The following SGCZ variants were observed in gnomAD, a reference collection of about 807,000 sequenced individuals.
SGCZ encodes sarcoglycan zeta.
A neutral mutation model predicts 41.3 loss-of-function variants in SGCZ; 40 were observed. The observed-to-expected ratio is 0.97, with a 90% confidence interval of 0.75 to 1.26. The LOEUF is 1.26. Ranked by LOEUF, SGCZ falls within the 50% of genes most tolerant of loss-of-function variation. SGCZ has a pLI of 0.00. For missense variants in SGCZ, 552 were observed against 369.8 expected (o/e 1.49, Z -4.04); for synonymous variants, 206 against 137.5 (o/e 1.50, Z -3.49).
intron 1 of SGCZ, among the ~76,000 whole-genome samples, chr8:15,149,018 A>G (rs1039251345): frequency 1.3e-5 from 2 of 152,288 alleles, no homozygotes; most frequent in African/African-American, 4.8e-5. Flanking sequence ...ATCACAGGAC[A>G]CTACACAGAA....
intron 1 of SGCZ, among the ~76,000 whole-genome samples, chr8:15,121,919 A>T (rs1260629862): frequency 6.8e-6 from 1 of 146,998 alleles, no homozygotes; most frequent in Non-Finnish European, 1.5e-5. Context: ...AAAAAAAAAT[A>T]GATATGCAGA....
chr8:14,334,972 A>T (rs746685306), intron 2 of SGCZ, among the ~76,000 whole-genome samples: 1 of 152,140 alleles, frequency 6.6e-6, no homozygotes, highest in African/African-American at 2.4e-5. Flanking sequence ...TGCTGATCTT[A>T]AAAGTACAGA....
rs78916834 is a variant in SGCZ at position 14,960,943 on chromosome 8, A to C, written c.39+276642T>G. 7.1e-3 allele frequency among the ~76,000 whole-genome samples: 1,041 copies of C among 147,072 alleles called. 12 individuals are homozygous for C. Among genetic ancestry groups the C allele is most frequent in the African/African-American group, 0.025 (997 of 39,110 alleles). On this transcript the variant is annotated intron_variant, in intron 1 of 7. Coordinates refer to ENST00000382080, the MANE Select transcript of SGCZ (RefSeq NM_139167.4). ...CTGCAAGGAAATGGCACACACACAC[A>C]CACACACACACACACACACACTCAC...
chr8:14,376,927 T>C (rs917232028), intron 2 of SGCZ, among the ~76,000 whole-genome samples: 2 of 152,164 alleles, frequency 1.3e-5, no homozygotes, highest in African/African-American at 4.8e-5. Flanking sequence ...AAATACATAT[T>C]TAGTCTTTGT....
chr8:14,918,562 A>G (rs1411984436), intron 1 of SGCZ, among the ~76,000 whole-genome samples: 1 of 152,236 alleles, frequency 6.6e-6, no homozygotes, highest in Admixed American at 6.5e-5. Flanking sequence ...GAGTGTAAAC[A>G]AACAAATGAT....
At chr8:14,676,779 A>G (rs1466258549) in intron 1 of SGCZ, among the ~76,000 whole-genome samples, 1 of 152,190 alleles carries the variant, frequency 6.6e-6, no homozygotes, top group African/African-American at 2.4e-5. Flanking sequence ...TAGTGAAATG[A>G]AAAAGCTCTT....
At chr8:14,374,393 G>A (rs1804031220) in intron 2 of SGCZ, among the ~76,000 whole-genome samples, 1 of 152,050 alleles carries the variant, frequency 6.6e-6, no homozygotes, top group African/African-American at 2.4e-5. Flanking sequence ...AGTTTTTTAG[G>A]AACAAAAGGG....
intron 2 of SGCZ, among the ~76,000 whole-genome samples, chr8:14,461,970 G>C (rs1237444784): frequency 4.0e-5 from 6 of 151,876 alleles, no homozygotes; most frequent in Admixed American, 3.9e-4. Flanking sequence ...TTAATACTTA[G>C]TAGGCATTTG....
intron 2 of SGCZ, among the ~76,000 whole-genome samples, chr8:14,451,001 A>C (rs565644408): frequency 6.6e-6 from 1 of 152,196 alleles, no homozygotes; most frequent in Non-Finnish European, 1.5e-5. Flanking sequence ...TGTGCAAAAT[A>C]CAGCTGCTTT....
At chr8:14,262,219 G>A (rs59190977) in intron 3 of SGCZ, among the ~76,000 whole-genome samples, 2,169 of 152,124 alleles carry the variant, frequency 0.014, 58 homozygotes, top group African/African-American at 0.049. Context: ...TATATTAACA[G>A]GCTAAAAAGC....
intron 1 of SGCZ, among the ~76,000 whole-genome samples, chr8:15,193,921 C>T (rs1487377321): frequency 1.3e-5 from 2 of 152,070 alleles, no homozygotes; most frequent in Non-Finnish European, 2.9e-5. Flanking sequence ...CACTACATCT[C>T]AAACATGTTC....
In SGCZ at chr8:14,324,089, C is replaced by G; in HGVS notation, c.336+14G>C. ...AATTATCTTTTAGAGTAAGCCAAAG[C>G]CAGTATCACATACCTTTCGAGAATG... On this transcript the variant is annotated intron_variant, in intron 3 of 7. Coordinates refer to ENST00000382080, the MANE Select transcript of SGCZ (RefSeq NM_139167.4). The G allele has an allele frequency of 1.3e-6, 2 of 1,563,698 alleles. No individual in the cohort carries two copies. The highest frequency in any genetic ancestry group is 1.8e-6 in the Non-Finnish European group (2 of 1,136,266).
At chr8:15,049,730 C>T (rs942837845) in intron 1 of SGCZ, among the ~76,000 whole-genome samples, 1 of 152,060 alleles carries the variant, frequency 6.6e-6, no homozygotes, top group Admixed American at 6.6e-5. Context: ...TTGTAATAAT[C>T]CCCAGATGTC....
chr8:14,374,295 C>A (rs1359088332), intron 2 of SGCZ, among the ~76,000 whole-genome samples: 1 of 152,048 alleles, frequency 6.6e-6, no homozygotes, highest in African/African-American at 2.4e-5. Flanking sequence ...GGGAGGATAA[C>A]CTGTGCCCAG....
chr8:14,416,118 T>C (rs1169474918), intron 2 of SGCZ, among the ~76,000 whole-genome samples: 2 of 151,952 alleles, frequency 1.3e-5, no homozygotes, highest in Non-Finnish European at 2.9e-5. Context: ...GCAGAGGTGC[T>C]GGCTTTAGGC....
chr8:14,750,136 G>T (rs1400462500), intron 1 of SGCZ, among the ~76,000 whole-genome samples: 1 of 152,096 alleles, frequency 6.6e-6, no homozygotes, highest in East Asian at 1.9e-4. Flanking sequence ...TATATATGAA[G>T]CCTTTTGAAT....
At chr8:14,103,459 T>C (rs948139976) in intron 6 of SGCZ, among the ~76,000 whole-genome samples, 16 of 152,166 alleles carry the variant, frequency 1.1e-4, no homozygotes, top group African/African-American at 3.9e-4. Flanking sequence ...TTCACTGTTA[T>C]CCAGCACAAC....
At chr8:14,460,928 C>A (rs2116951533) in intron 2 of SGCZ, among the ~76,000 whole-genome samples, 1 of 152,226 alleles carries the variant, frequency 6.6e-6, no homozygotes, top group Non-Finnish European at 1.5e-5. Flanking sequence ...CTGTTAAAAT[C>A]AGACATCTAT....
intron 1 of SGCZ, among the ~76,000 whole-genome samples, chr8:14,598,718 T>C (rs989752405): frequency 6.6e-6 from 1 of 151,986 alleles, no homozygotes; most frequent in African/African-American, 2.4e-5. Context: ...TTTGTAGAGA[T>C]ATGTTTTTGC....
Sources: gnomAD v4.1 joint callset for allele counts (sites outside exome capture counted in the v4.1 genomes callset) on GRCh38, gnomAD v4.1.1 for gene constraint, MANE v1.5 for transcripts, NCBI Gene and HGNC (gene_info 2026-07-23, HGNC 2026-07-21) for gene names.